Variants in VAC14 observed in about 807,000 individuals in gnomAD.
VAC14 encodes the protein VAC14 component of PIKFYVE complex.
Under a neutral mutation model 85.3 loss-of-function variants are expected in VAC14, and 47 were observed. That is an observed-to-expected ratio of 0.55 (90% confidence interval 0.44 to 0.70). VAC14 has a LOEUF of 0.70. VAC14 is among the 30% of genes least tolerant of loss of function. The probability of loss-of-function intolerance (pLI) is 0.00; values close to 1 mark genes in which losing one functional copy is unlikely to be tolerated. For missense variants in VAC14, 861 were observed against 1,004.3 expected (o/e 0.86, Z 1.93); for synonymous variants, 447 against 430.5 (o/e 1.04, Z -0.47).
At chr16:70,720,064 C>T (rs1329897630) in intron 14 of VAC14, among the ~76,000 whole-genome samples, 1 of 152,158 alleles carries the variant, frequency 6.6e-6, no homozygotes, top group Non-Finnish European at 1.5e-5. Flanking sequence ...CAATGTGGAT[C>T]CAAAGAAGCC....
intron 9 of VAC14, among the ~76,000 whole-genome samples, chr16:70,776,760 ATT>A (rs34328513): frequency 8.4e-5 from 12 of 142,948 alleles, no homozygotes; most frequent in African/African-American, 3.0e-4. Flanking sequence ...GTTTGTTTCA[ATT>A]TTTTTTTTTT....
At chr16:70,715,231 G>C (rs994531740) in intron 14 of VAC14, 3 of 152,252 alleles carry the variant, frequency 2.0e-5, no homozygotes, top group African/African-American at 7.2e-5. Context: ...TCCCCGACCA[G>C]TTCCTACTCA....
chr16:70,794,340 G>T (rs1408200444), intron 1 of VAC14, among the ~76,000 whole-genome samples: 2 of 152,178 alleles, frequency 1.3e-5, no homozygotes, highest in Non-Finnish European at 2.9e-5. Flanking sequence ...TGTTTCTATA[G>T]ATTTGCCTAT....
intron 14 of VAC14, among the ~76,000 whole-genome samples, chr16:70,712,009 T>C (rs2054044940): frequency 6.6e-6 from 1 of 152,124 alleles, no homozygotes; most frequent in Non-Finnish European, 1.5e-5. Flanking sequence ...ACAGCATGGC[T>C]GGGAGGGGGC....
chr16:70,792,571 C>T (rs1228807954), intron 1 of VAC14, among the ~76,000 whole-genome samples: 1 of 152,190 alleles, frequency 6.6e-6, no homozygotes, highest in Non-Finnish European at 1.5e-5. Context: ...GCAGGAACAC[C>T]CATTCCCCAG....
chr16:70,749,844 T>G (rs2031236143), intron 12 of VAC14, among the ~76,000 whole-genome samples: 1 of 152,162 alleles, frequency 6.6e-6, no homozygotes. Flanking sequence ...CCAATCTCGA[T>G]GCACACCTTG....
chr16:70,785,716 C>T lies in VAC14; in HGVS notation c.409G>A (p.Asp137Asn), dbSNP rs926215433. 2 of 1,561,874 alleles carry T rather than the reference C, an allele frequency of 1.3e-6. No individual in the cohort carries two copies. The highest frequency in any genetic ancestry group is 2.7e-5 in the African/African-American group (2 of 73,884). ...AVLPHFNVLF[D>N]GLSKLAADPD... Reference sequence around the variant, plus strand: ...AGGGCGGTTACCTTGCTCAGCCCGTCAAAGAGCACGTTGAAGTGGGGCAGC... The same window carrying T: ...AGGGCGGTTACCTTGCTCAGCCCGTTAAAGAGCACGTTGAAGTGGGGCAGC... Residue 137 changes from aspartate (D) to asparagine (N), a missense_variant, in exon 3 of 19, where the codon GAC becomes AAC. Around this residue, in one of 3 missense-constraint regions of VAC14, gnomAD observed 629 missense variants for 703.1 expected, o/e 0.89. Coordinates refer to ENST00000261776, the MANE Select transcript of VAC14 (RefSeq NM_018052.5).
chr16:70,724,700 C>G (rs78606667), intron 14 of VAC14, among the ~76,000 whole-genome samples: 10,870 of 152,260 alleles, frequency 0.071, 991 homozygotes, highest in African/African-American at 0.22. Flanking sequence ...TCAGCCCTGG[C>G]CCCTGGGCGG....
rs562676252 is a variant in VAC14, at chr16:70,736,979, C to G, written c.1529-5352G>C. Among the ~76,000 whole-genome samples, 174 of 152,300 alleles carry G rather than the reference C, an allele frequency of 1.1e-3. 1 individual carries two copies. Among genetic ancestry groups the G allele is most frequent in the African/African-American group, 4.1e-3 (169 of 41,568 alleles). On this transcript the variant is annotated intron_variant, in intron 13 of 18. Transcript: ENST00000261776. ...GTGGGGGCTGCTCGCTCTTTCCCAG[C>G]CTCAGTGGCCCCCATCGCCCCCAGC... is the stretch of plus-strand genomic sequence containing the variant.
At chr16:70,776,985 T>C (rs2033553836) in intron 9 of VAC14, among the ~76,000 whole-genome samples, 1 of 152,072 alleles carries the variant, frequency 6.6e-6, no homozygotes, top group Admixed American at 6.5e-5. Context: ...TTTTTTGTAT[T>C]TTTAGTAGAG....
chr16:70,729,729 G>A (rs1174695657), intron 14 of VAC14, among the ~76,000 whole-genome samples: 14 of 151,690 alleles, frequency 9.2e-5, no homozygotes, highest in African/African-American at 1.2e-4. Context: ...CCTCTCACTC[G>A]ACCTCTTCTT....
At chr16:70,720,296 C>T (rs1285637362) in intron 14 of VAC14, among the ~76,000 whole-genome samples, 2 of 152,204 alleles carry the variant, frequency 1.3e-5, no homozygotes, top group African/African-American at 2.4e-5. Flanking sequence ...TACAAGAGCA[C>T]ACTCATGATT....
rs71153603 is a variant in VAC14 at position 70,795,494 on chromosome 16, T to TA, written c.104+5302dup. Among the ~76,000 whole-genome samples, 607 of 91,834 alleles carry TA rather than the reference T, an allele frequency of 6.6e-3. 2 individuals carry two copies. The highest frequency in any genetic ancestry group is 0.013 in the African/African-American group (304 of 23,368). 60.2% of individuals were successfully genotyped at this position (91,834 alleles called of 152,430 possible). ...CTGGGCGACAGAGCGAGACTCTGTC[T>TA]AAAAAAAAAAAAAAAAAAAAAAGAA... On this transcript the variant is annotated intron_variant, in intron 1 of 18. Coordinates refer to ENST00000261776, the MANE Select transcript of VAC14 (RefSeq NM_018052.5).
At chr16:70,720,429 G>A (rs1359139734) in intron 14 of VAC14, among the ~76,000 whole-genome samples, 1 of 152,198 alleles carries the variant, frequency 6.6e-6, no homozygotes, top group Non-Finnish European at 1.5e-5. Flanking sequence ...AGACACATCT[G>A]GGGTGCTGAA....
At chr16:70,800,666 T>G in intron 1 of VAC14, 131 bp downstream of exon 1, 1 of 717,952 alleles carries the variant, frequency 1.4e-6, no homozygotes, top group Non-Finnish European at 2.3e-6. Flanking sequence ...CAATCTGCTC[T>G]TAAACACTGC....
intron 15 of VAC14, among the ~76,000 whole-genome samples, chr16:70,698,219 C>T (rs368383758): frequency 3.3e-5 from 5 of 152,180 alleles, no homozygotes; most frequent in Admixed American, 3.3e-4. Context: ...GCGAGAAGAG[C>T]TGTTAACCCC....
chr16:70,744,691 C>T, intron 12 of VAC14, 112 bp from the exon 13 acceptor site: 3 of 1,316,922 alleles, frequency 2.3e-6, no homozygotes, highest in Admixed American at 2.8e-5. Flanking sequence ...GAGGGGTCTG[C>T]AGATGACAGC....
intron 13 of VAC14, among the ~76,000 whole-genome samples, chr16:70,743,085 T>C (rs2030511993): frequency 6.6e-6 from 1 of 151,210 alleles, no homozygotes; most frequent in African/African-American, 2.4e-5. Context: ...CAATCAGCAC[T>C]CTGTAAAAAC....
chr16:70,706,085 G>A lies in VAC14; in HGVS notation c.1662-7274C>T, dbSNP rs531000179. On this transcript the variant is annotated intron_variant, in intron 14 of 18. Transcript: ENST00000261776. ...GTGGTGCTCATTTCCCACCCCAGCA[G>A]GTCCAATTCTCTAGCCCCACTGGCC... 2.8e-4 allele frequency among the ~76,000 whole-genome samples: 42 copies of A among 152,284 alleles called. No individual in the cohort carries two copies. The South Asian group carries it at 6.2e-3, about 23-fold the overall frequency.
Sources: gnomAD v4.1 joint callset for allele counts (sites outside exome capture counted in the v4.1 genomes callset) on GRCh38, gnomAD v4.1.1 for gene constraint, gnomAD v4.1.1 regional missense constraint, MANE v1.5 for transcripts, NCBI Gene and HGNC (gene_info 2026-07-23, HGNC 2026-07-21) for gene names.